Variants in NKAIN2 observed in about 807,000 individuals in gnomAD.
NKAIN2 encodes sodium/potassium transporting ATPase interacting 2.
A neutral mutation model predicts 32.6 loss-of-function variants in NKAIN2; 14 were observed. That is an observed-to-expected ratio of 0.43 (90% CI 0.28 to 0.67). NKAIN2 has a LOEUF of 0.67. Among genes scored for constraint, NKAIN2 ranks in the 30% least tolerant of loss-of-function variants. NKAIN2 has a pLI of 0.17. For missense variants in NKAIN2, 198 were observed against 258.3 expected (o/e 0.77, Z 1.60); for synonymous variants, 80 against 87.2 (o/e 0.92, Z 0.46).
chr6:124,526,228 G>C (rs1385205509), intron 3 of NKAIN2, among the ~76,000 whole-genome samples: 1 of 152,132 alleles, frequency 6.6e-6, no homozygotes, highest in Non-Finnish European at 1.5e-5. Flanking sequence ...TAGAGGTACA[G>C]AAGGCAAGTG....
chr6:124,221,247 T>A lies in NKAIN2; in HGVS notation c.55-61758T>A, dbSNP rs535315471. ...AGCCATAAAAAAGGATGAGTTCATG[T>A]ACTTTGTAGGGACATGGATGAAATT... On this transcript the variant is annotated intron_variant, in intron 1 of 6. Transcript: ENST00000368417. Among the ~76,000 whole-genome samples, 61 of 152,164 alleles carry A rather than the reference T, an allele frequency of 4.0e-4. 2 individuals are homozygous for A. In the South Asian group the frequency reaches 0.012, roughly 31 times the overall value.
intron 1 of NKAIN2, among the ~76,000 whole-genome samples, chr6:124,062,004 C>G (rs1278866720): frequency 6.6e-6 from 1 of 152,056 alleles, no homozygotes; most frequent in East Asian, 1.9e-4. Flanking sequence ...ACTGAGATAT[C>G]TTTAGCAATG....
chr6:124,024,966 A>G (rs1051770389), intron 1 of NKAIN2, among the ~76,000 whole-genome samples: 1 of 149,660 alleles, frequency 6.7e-6, no homozygotes, highest in Non-Finnish European at 1.5e-5. Flanking sequence ...GCCTGGCAAC[A>G]GAGTGAGATT....
intron 3 of NKAIN2, among the ~76,000 whole-genome samples, chr6:124,473,184 G>A (rs567124729): frequency 6.6e-6 from 1 of 152,294 alleles, no homozygotes; most frequent in South Asian, 2.1e-4. Context: ...TGACTGTTCA[G>A]TTTTCTTTTT....
At chr6:124,701,153 GCACACACA>G (rs60670238) in intron 4 of NKAIN2, among the ~76,000 whole-genome samples, 3 of 132,028 alleles carry the variant, frequency 2.3e-5, no homozygotes, top group East Asian at 2.4e-4. Context: ...ACACACACAC[GCACACACA>G]CACACACACA....
intron 4 of NKAIN2, among the ~76,000 whole-genome samples, chr6:124,705,947 A>G (rs558222014): frequency 2.2e-4 from 34 of 152,102 alleles, no homozygotes; most frequent in Admixed American, 7.2e-4. Flanking sequence ...GGACCCACAA[A>G]TCCTCCACAC....
At chr6:124,655,706 C>T (rs1419554008) in intron 3 of NKAIN2, among the ~76,000 whole-genome samples, 1 of 152,058 alleles carries the variant, frequency 6.6e-6, no homozygotes. Flanking sequence ...GGCTCTGGTC[C>T]CTGTTTGCAA....
At chr6:124,187,659 A>G (rs751824992) in intron 1 of NKAIN2, among the ~76,000 whole-genome samples, 1 of 152,258 alleles carries the variant, frequency 6.6e-6, no homozygotes, top group African/African-American at 2.4e-5. Flanking sequence ...CTTAGTTAAA[A>G]TTCTCTGTCT....
intron 3 of NKAIN2, among the ~76,000 whole-genome samples, chr6:124,597,359 C>T (rs1005814416): frequency 6.6e-6 from 1 of 151,392 alleles, no homozygotes; most frequent in African/African-American, 2.4e-5. Context: ...CACACTTATA[C>T]TAAAATATTA....
At chr6:123,966,381 C>G (rs1778083402) in intron 1 of NKAIN2, among the ~76,000 whole-genome samples, 1 of 152,122 alleles carries the variant, frequency 6.6e-6, no homozygotes, top group South Asian at 2.1e-4. Context: ...AGGAAGGAGT[C>G]TAGGCAGCAC....
intron 3 of NKAIN2, among the ~76,000 whole-genome samples, chr6:124,623,432 C>G (rs1047412003): frequency 2.6e-5 from 4 of 151,972 alleles, no homozygotes; most frequent in Non-Finnish European, 5.9e-5. Context: ...GGCACAACAC[C>G]TAGTATTGAA....
intron 3 of NKAIN2, among the ~76,000 whole-genome samples, chr6:124,486,724 A>G (rs564914572): frequency 6.6e-6 from 1 of 152,182 alleles, no homozygotes; most frequent in African/African-American, 2.4e-5. Context: ...TGGCTTCATC[A>G]CCATTCCTGT....
intron 1 of NKAIN2, among the ~76,000 whole-genome samples, chr6:123,911,807 A>ATATATGTGTATATATATATATATATG (rs1775208356): frequency 5.8e-5 from 6 of 103,734 alleles, no homozygotes; most frequent in African/African-American, 2.2e-4. Flanking sequence ...ATATGTATAT[A>ATATATGTGTATATATATATATATATG]TATATACACA....
chr6:124,601,247 G>A (rs959794531), intron 3 of NKAIN2, among the ~76,000 whole-genome samples: 2 of 152,002 alleles, frequency 1.3e-5, no homozygotes, highest in Admixed American at 6.6e-5. Context: ...AAGCCAATGG[G>A]AGTTGTACCA....
chr6:124,552,852 T>C (rs931883871), intron 3 of NKAIN2, among the ~76,000 whole-genome samples: 4 of 152,250 alleles, frequency 2.6e-5, no homozygotes, highest in African/African-American at 9.6e-5. Context: ...ACACAACTAG[T>C]AATTCAAAAT....
At chr6:123,994,551 T>C (rs1223116282) in intron 1 of NKAIN2, among the ~76,000 whole-genome samples, 3 of 152,062 alleles carry the variant, frequency 2.0e-5, no homozygotes, top group African/African-American at 7.2e-5. Flanking sequence ...TAGAAGTCTC[T>C]CCCCTTCTTC....
intron 4 of NKAIN2, among the ~76,000 whole-genome samples, chr6:124,771,335 C>A (rs552479107): frequency 2.0e-5 from 3 of 152,216 alleles, no homozygotes; most frequent in African/African-American, 7.2e-5. Context: ...CATGACCCAG[C>A]AATCTCATTT....
intron 1 of NKAIN2, among the ~76,000 whole-genome samples, chr6:123,948,107 T>C (rs1777153270): frequency 6.6e-6 from 1 of 152,166 alleles, no homozygotes; most frequent in South Asian, 2.1e-4. Context: ...TTCATTCTTT[T>C]CTTATGGCTG....
intron 1 of NKAIN2, among the ~76,000 whole-genome samples, chr6:123,823,928 G>A (rs998716964): frequency 2.6e-5 from 4 of 152,100 alleles, no homozygotes; most frequent in Non-Finnish European, 5.9e-5. Flanking sequence ...GAAGAAATAA[G>A]TAGTTAGGAA....
Sources: gnomAD v4.1 joint callset for allele counts (sites outside exome capture counted in the v4.1 genomes callset) on GRCh38, gnomAD v4.1.1 for gene constraint, MANE v1.5 for transcripts, NCBI Gene and HGNC (gene_info 2026-07-23, HGNC 2026-07-21) for gene names.